LRRC69: variants seen among roughly 807,000 people sequenced by gnomAD.
The protein encoded by LRRC69 is leucine-rich repeat-containing protein 69.
Under a neutral mutation model 37.8 loss-of-function variants are expected in LRRC69, and 42 were observed. The ratio of observed to expected loss-of-function variants is 1.11; its 90% CI spans 0.87 to 1.44. LRRC69 has a LOEUF of 1.44. Among genes scored for constraint, LRRC69 ranks in the 40% most tolerant of loss-of-function variants. The pLI is 0.00. For synonymous variants in LRRC69, 141 were observed against 143.1 expected (o/e 0.99, Z 0.11); for missense variants, 357 against 401.9 (o/e 0.89, Z 0.96).
intron 7 of LRRC69, among the ~76,000 whole-genome samples, chr8:91,203,412 G>A (rs890332843): frequency 2.0e-5 from 3 of 149,734 alleles, no homozygotes; most frequent in African/African-American, 7.4e-5. Context: ...TTCTTTCCGA[G>A]ACAAAGTCTG....
At chr8:91,158,367 A>G in intron 5 of LRRC69, 1 of 1,433,262 alleles carries the variant, frequency 7.0e-7, no homozygotes, top group South Asian at 1.1e-5. Context: ...TGGTATTTAG[A>G]TGACAACATC....
chr8:91,163,016 G>GA (rs1357209612), intron 5 of LRRC69, among the ~76,000 whole-genome samples: 1 of 150,868 alleles, frequency 6.6e-6, no homozygotes, highest in Non-Finnish European at 1.5e-5. Context: ...TTTATCTCCT[G>GA]AAAATCTTAA....
intron 6 of LRRC69, among the ~76,000 whole-genome samples, chr8:91,192,170 T>C (rs933151751): frequency 6.6e-6 from 1 of 152,160 alleles, no homozygotes; most frequent in Non-Finnish European, 1.5e-5. Context: ...ACAAAGGACA[T>C]GAACTCATCC....
intron 5 of LRRC69, among the ~76,000 whole-genome samples, chr8:91,161,708 G>A (rs982152184): frequency 4.6e-5 from 7 of 150,786 alleles, no homozygotes; most frequent in African/African-American, 1.7e-4. Context: ...TGTTGATTTT[G>A]TTTATCTTTT....
intron 5 of LRRC69, among the ~76,000 whole-genome samples, chr8:91,159,753 TA>T (rs576995022): frequency 2.7e-3 from 403 of 151,342 alleles, no homozygotes; most frequent in African/African-American, 9.2e-3. Flanking sequence ...TGAAATTTTT[TA>T]CCATGGCAAA....
intron 1 of LRRC69, among the ~76,000 whole-genome samples, chr8:91,117,406 A>G (rs1813529181): frequency 6.6e-6 from 1 of 151,888 alleles, no homozygotes; most frequent in African/African-American, 2.4e-5. Flanking sequence ...GGAGAGAAAG[A>G]TGTTCTAGGT....
chr8:91,123,230 G>A (rs537683772), intron 1 of LRRC69, among the ~76,000 whole-genome samples: 17 of 152,082 alleles, frequency 1.1e-4, no homozygotes, highest in Admixed American at 2.6e-4. Flanking sequence ...AATTTGTGTC[G>A]TTCTAAGCCA....
At chr8:91,150,349 GT>G (rs1808709916) in intron 5 of LRRC69, among the ~76,000 whole-genome samples, 1 of 151,898 alleles carries the variant, frequency 6.6e-6, no homozygotes, top group African/African-American at 2.4e-5. Context: ...TAATCATGTG[GT>G]TTTTGTCATT....
chr8:91,122,070 A>T (rs1243483770), intron 1 of LRRC69, among the ~76,000 whole-genome samples: 3 of 152,052 alleles, frequency 2.0e-5, no homozygotes, highest in South Asian at 2.1e-4. Flanking sequence ...AATATATCTA[A>T]CTCTTATGTA....
intron 7 of LRRC69, among the ~76,000 whole-genome samples, chr8:91,203,565 G>C (rs908857239): frequency 4.6e-5 from 7 of 150,568 alleles, no homozygotes; most frequent in Non-Finnish European, 3.0e-5. Context: ...GCTTTTTTTT[G>C]TGTGTGTATT....
intron 1 of LRRC69, among the ~76,000 whole-genome samples, chr8:91,105,434 A>T (rs903455968): frequency 2.0e-5 from 3 of 151,908 alleles, no homozygotes; most frequent in African/African-American, 7.2e-5. Context: ...CTGTAATCCC[A>T]GCAGTATGGG....
chr8:91,215,301 G>T (rs988053599), intron 7 of LRRC69, among the ~76,000 whole-genome samples: 6 of 151,938 alleles, frequency 3.9e-5, no homozygotes, highest in Non-Finnish European at 5.9e-5. Context: ...TCTATTCCTT[G>T]TGCTTCATAT....
At chr8:91,218,600 T>C (rs1025698530) in intron 7 of LRRC69, among the ~76,000 whole-genome samples, 4 of 152,190 alleles carry the variant, frequency 2.6e-5, no homozygotes, top group Non-Finnish European at 5.9e-5. Context: ...TTCTGTATCA[T>C]TTTTTCACCT....
At position 91,138,225 on chromosome 8, in the gene LRRC69, G is replaced by A. The variant is rs73303612; in HGVS notation, c.651+2486G>A. The stretch of plus-strand genomic sequence containing the variant: ...TACTAATAAGTAATATATAATTATA[G>A]CAATCATCTACTCTCTACTGGTGAT... On this transcript the variant is annotated intron_variant, in intron 5 of 7. Transcript: ENST00000448384. Among the ~76,000 whole-genome samples the A allele has an allele frequency of 2.9e-3, 448 of 152,018 alleles. 4 individuals carry two copies. The highest frequency in any genetic ancestry group is 0.01 in the African/African-American group (429 of 41,532).
At chr8:91,154,634 A>G (rs1808800478) in intron 5 of LRRC69, among the ~76,000 whole-genome samples, 1 of 151,976 alleles carries the variant, frequency 6.6e-6, no homozygotes, top group African/African-American at 2.4e-5. Context: ...CCCCATGATT[A>G]TCTCAATAGA....
In LRRC69 at chr8:91,133,092, G is replaced by C; in HGVS notation, c.384-18G>C. Reference sequence around the variant, plus strand: ...TTGTGAGTTTCATTCATATACTTTGGTGTTTTTTTTTTTTTAGATTAAAAA... The same window carrying C: ...TTGTGAGTTTCATTCATATACTTTGCTGTTTTTTTTTTTTTAGATTAAAAA... On this transcript the variant is annotated intron_variant, in intron 3 of 7. Transcript: ENST00000448384. 1 of 1,233,804 alleles carries C rather than the reference G, an allele frequency of 8.1e-7. No homozygotes were observed. The highest frequency in any genetic ancestry group is 1.1e-6 in the Non-Finnish European group (1 of 901,126). 76.4% of individuals were successfully genotyped at this position (1,233,804 alleles called of 1,614,324 possible). A position where few individuals can be genotyped will look rare whatever the true frequency, so the allele number is the denominator to read the frequency against.
At chr8:91,209,832 T>C (rs2130642632) in intron 7 of LRRC69, among the ~76,000 whole-genome samples, 1 of 152,336 alleles carries the variant, frequency 6.6e-6, no homozygotes, top group East Asian at 1.9e-4. Flanking sequence ...TGAAAGGTTT[T>C]AAACAACTAG....
chr8:91,207,627 C>A (rs540484686), intron 7 of LRRC69, among the ~76,000 whole-genome samples: 143 of 152,192 alleles, frequency 9.4e-4, no homozygotes, highest in African/African-American at 3.3e-3. Flanking sequence ...GCTAGGGAGG[C>A]ATTTAGAATA....
At position 91,178,774 on chromosome 8, in the gene LRRC69, C is replaced by G. The variant is rs1268446537; in HGVS notation, c.652-10748C>G. The stretch of plus-strand genomic sequence containing the variant: ...TTGAAGGGACCTTAGGAACTGGCTT[C>G]TAGCAACAAATCTTTCCTTAACTGG... On this transcript the variant is annotated intron_variant, in intron 5 of 7. Transcript: ENST00000448384. 4.6e-5 allele frequency among the ~76,000 whole-genome samples: 7 copies of G among 152,300 alleles called. No homozygotes were observed. In the East Asian group the frequency reaches 1.2e-3, roughly 25 times the overall value.
Sources: allele counts gnomAD v4.1 joint callset (sites outside exome capture counted in the v4.1 genomes callset), GRCh38; gene constraint gnomAD v4.1.1; transcripts MANE v1.5; gene names NCBI Gene and HGNC (gene_info 2026-07-23, HGNC 2026-07-21).